The following CNTNAP4 variants were observed in gnomAD, a reference collection of about 807,000 sequenced individuals.
The protein encoded by CNTNAP4 is contactin-associated protein-like 4.
CNTNAP4 carries 98 observed loss-of-function variants against 148.4 expected under a neutral mutation model. That is an observed-to-expected ratio of 0.66 (90% confidence interval 0.56 to 0.78). The LOEUF is 0.78. Among genes scored for constraint, CNTNAP4 ranks in the 30% least tolerant of loss-of-function variants. CNTNAP4 has a pLI of 0.00. For missense variants in CNTNAP4, 1,935 were observed against 1,565.6 expected (o/e 1.24, Z -3.98); for synonymous variants, 730 against 565.1 (o/e 1.29, Z -4.14).
Position 76,420,920 on chromosome 16 carries a change from G to T in CNTNAP4, c.391-6532G>T, listed in dbSNP as rs2079167892. On this transcript the variant is annotated intron_variant, in intron 3 of 23. Transcript: ENST00000611870. ...CATAATGTGAATTTTTATAGTTATT[G>T]TCCATCTCAATAAAAATTTAGTCTT... Among the ~76,000 whole-genome samples, 3 of 151,712 alleles carry T rather than the reference G, an allele frequency of 2.0e-5. No individual in the cohort carries two copies. The South Asian group carries it at 6.2e-4, about 32-fold the overall frequency.
At chr16:76,437,916 T>C (rs1380720429) in intron 4 of CNTNAP4, among the ~76,000 whole-genome samples, 1 of 152,138 alleles carries the variant, frequency 6.6e-6, no homozygotes, top group Admixed American at 6.6e-5. Flanking sequence ...TTTATTGGAC[T>C]AAGCTGCTGT....
chr16:76,297,175 A>G (rs899611632), intron 1 of CNTNAP4, among the ~76,000 whole-genome samples: 6 of 152,226 alleles, frequency 3.9e-5, no homozygotes, highest in African/African-American at 1.4e-4. Context: ...TTAGAAAGCT[A>G]TTTTAATTGA....
intron 3 of CNTNAP4, among the ~76,000 whole-genome samples, chr16:76,359,838 A>G (rs2013185053): frequency 6.6e-6 from 1 of 152,194 alleles, no homozygotes; most frequent in Non-Finnish European, 1.5e-5. Context: ...AAGTAAACAT[A>G]AGGTATAATT....
Position 76,498,621 on chromosome 16 carries a change from C to G in CNTNAP4, c.2292C>G (p.Ile764Met). The G allele has an allele frequency of 1.2e-6, 2 of 1,612,518 alleles. No homozygotes were observed. The highest frequency in any genetic ancestry group is 1.7e-6 in the Non-Finnish European group (2 of 1,179,160). ...AYKEHLPVTKIVITDTGRLHS... is the reference protein window; with the variant it reads ...AYKEHLPVTKMVITDTGRLHS... ...AAGAACATCTTCCAGTAACTAAGAT[C>G]GTGATTACAGACACAGGCCGACTGC... Residue 764 changes from isoleucine to methionine, a missense_variant, in exon 15 of 24, where the codon ATC becomes ATG. By Grantham distance (10) the Ile-to-Met change is conservative. Transcript: ENST00000611870.
chr16:76,365,789 G>A (rs895484689), intron 3 of CNTNAP4, among the ~76,000 whole-genome samples: 2 of 150,394 alleles, frequency 1.3e-5, no homozygotes, highest in African/African-American at 2.4e-5. Context: ...AATCATCTGG[G>A]TAATTACTTT....
At chr16:76,364,476 GAAC>G (rs1026342544) in intron 3 of CNTNAP4, among the ~76,000 whole-genome samples, 3 of 152,006 alleles carry the variant, frequency 2.0e-5, no homozygotes, top group South Asian at 4.2e-4. Context: ...ATCAACCTGA[GAAC>G]AACATTTTTA....
intron 3 of CNTNAP4, among the ~76,000 whole-genome samples, chr16:76,387,636 T>A (rs2016622813): frequency 6.6e-6 from 1 of 152,168 alleles, no homozygotes; most frequent in South Asian, 2.1e-4. Flanking sequence ...CTCTGAAACT[T>A]CAGAATTAAT....
At chr16:76,514,573 A>C (rs1370451317) in intron 15 of CNTNAP4, among the ~76,000 whole-genome samples, 1 of 152,150 alleles carries the variant, frequency 6.6e-6, no homozygotes, top group African/African-American at 2.4e-5. Context: ...CTGTATGTGC[A>C]TGTGTGGGGG....
intron 1 of CNTNAP4, among the ~76,000 whole-genome samples, chr16:76,290,359 C>T (rs9921608): frequency 0.027 from 4,060 of 152,230 alleles, 149 homozygotes; most frequent in East Asian, 0.14. Flanking sequence ...CGCTCTGGCA[C>T]GATAGTAAAT....
At chr16:76,485,860 T>G (rs765031178) in intron 12 of CNTNAP4, among the ~76,000 whole-genome samples, 59 of 152,228 alleles carry the variant, frequency 3.9e-4, no homozygotes, top group Non-Finnish European at 4.6e-4. Context: ...TACATCAAGC[T>G]TTGCTCCAGA....
intron 12 of CNTNAP4, among the ~76,000 whole-genome samples, chr16:76,489,220 A>G (rs978387767): frequency 1.6e-4 from 24 of 152,284 alleles, no homozygotes; most frequent in East Asian, 5.8e-4. Context: ...CTTGAATTCT[A>G]ATATACATTT....
At chr16:76,481,592 T>A (rs1274287794) in intron 12 of CNTNAP4, among the ~76,000 whole-genome samples, 1 of 152,110 alleles carries the variant, frequency 6.6e-6, no homozygotes, top group Non-Finnish European at 1.5e-5. Context: ...GGGGCTAGTA[T>A]GGAGTGTATC....
At chr16:76,531,443 G>C (rs2083981155) in intron 17 of CNTNAP4, among the ~76,000 whole-genome samples, 1 of 152,186 alleles carries the variant, frequency 6.6e-6, no homozygotes, top group African/African-American at 2.4e-5. Flanking sequence ...TAAGTGGACA[G>C]GTTCAGTTAA....
At chr16:76,538,488 C>CCTG in intron 19 of CNTNAP4, 148 bp downstream of exon 19, 1 of 564,242 alleles carries the variant, frequency 1.8e-6, no homozygotes, top group South Asian at 2.5e-5. Context: ...TAGTACTATC[C>CCTG]TATAAGTATA....
intron 2 of CNTNAP4, among the ~76,000 whole-genome samples, chr16:76,336,747 A>C (rs1035276640): frequency 2.6e-5 from 4 of 152,220 alleles, no homozygotes; most frequent in African/African-American, 9.6e-5. Context: ...TTCCAAGTTA[A>C]CACATTTAAA....
intron 9 of CNTNAP4, among the ~76,000 whole-genome samples, chr16:76,465,214 A>T (rs1265753568): frequency 6.6e-6 from 1 of 152,332 alleles, no homozygotes; most frequent in South Asian, 2.1e-4. Flanking sequence ...TTCAGCACTA[A>T]GTATTCTTCA....
intron 3 of CNTNAP4, among the ~76,000 whole-genome samples, chr16:76,374,956 A>G (rs1218062683): frequency 6.6e-6 from 1 of 151,750 alleles, no homozygotes; most frequent in East Asian, 2.0e-4. Flanking sequence ...TTTAGTAGAG[A>G]TGGGGTTTCA....
chr16:76,491,899 G>C (rs1393185910), intron 13 of CNTNAP4, among the ~76,000 whole-genome samples: 1 of 152,054 alleles, frequency 6.6e-6, no homozygotes, highest in Admixed American at 6.5e-5. Context: ...TTCATCAATG[G>C]ACACTTAGGT....
At chr16:76,279,890 G>T (rs1958621994) in intron 1 of CNTNAP4, among the ~76,000 whole-genome samples, 2 of 152,048 alleles carry the variant, frequency 1.3e-5, no homozygotes, top group South Asian at 2.1e-4. Context: ...AGGTCTACTT[G>T]TACCAAGCCA....
Sources: allele counts gnomAD v4.1 joint callset (sites outside exome capture counted in the v4.1 genomes callset), GRCh38; gene constraint gnomAD v4.1.1; transcripts MANE v1.5; gene names NCBI Gene and HGNC (gene_info 2026-07-23, HGNC 2026-07-21).